The following CDH20 variants were observed in gnomAD, a reference collection of about 807,000 sequenced individuals.
CDH20 encodes cadherin-20.
A neutral mutation model predicts 74.2 loss-of-function variants in CDH20; 29 were observed. The observed-to-expected ratio is 0.39, with a 90% CI of 0.29 to 0.53. CDH20 has a LOEUF of 0.53. Among genes scored for constraint, CDH20 ranks in the 20% least tolerant of loss-of-function variants. The pLI, the probability that CDH20 is intolerant of heterozygous loss-of-function variation, is 0.69. For missense variants in CDH20, 988 were observed against 1,048.3 expected (o/e 0.94, Z 0.79); for synonymous variants, 469 against 405.4 (o/e 1.16, Z -1.88).
chr18:61,483,989 C>T (rs1910675056), intron 1 of CDH20, among the ~76,000 whole-genome samples: 1 of 152,098 alleles, frequency 6.6e-6, no homozygotes, highest in African/African-American at 2.4e-5. Context: ...GCAAACTTAC[C>T]TTTGCCAAAA....
Position 61,382,672 on chromosome 18 carries a change from A to ACACAAT in CDH20, c.-153+48846_-153+48851dup, listed in dbSNP as rs1166005502. 2.6e-5 allele frequency among the ~76,000 whole-genome samples: 4 copies of ACACAAT among 152,242 alleles called. No homozygotes were observed. The East Asian group carries it at 7.7e-4, about 29-fold the overall frequency. ...TGCAGAATTCATACTTGGTGATGGTACACAATTCTAATAAGTTTTATTCTG... is the reference window on the plus strand; with the variant it reads ...TGCAGAATTCATACTTGGTGATGGTACACAATCACAATTCTAATAAGTTTTATTCTG... On this transcript the variant is annotated intron_variant, in intron 1 of 11. Coordinates refer to ENST00000262717, the MANE Select transcript of CDH20 (RefSeq NM_031891.4).
Position 61,549,985 on chromosome 18 carries a change from A to G in CDH20, c.1656A>G (p.Thr552=). The G allele has an allele frequency of 1.2e-6, 2 of 1,613,888 alleles. No individual in the cohort carries two copies. The highest frequency in any genetic ancestry group is 1.7e-6 in the Non-Finnish European group (2 of 1,179,796). ...NFTIRDNQDN[T]ARILTRRSGF... is the part of the protein sequence containing the mutation. ...AACCCCTCCTTCTTTCAGATAACAC[A>G]GCACGGATTCTAACCAGGAGGTCTG... The change falls in exon 11 of 12, where the codon ACA becomes ACG. Residue 552 remains threonine (T), a synonymous_variant. Coordinates refer to ENST00000262717, the MANE Select transcript of CDH20 (RefSeq NM_031891.4).
intron 1 of CDH20, among the ~76,000 whole-genome samples, chr18:61,434,498 C>T (rs1026994257): frequency 6.6e-6 from 1 of 152,112 alleles, no homozygotes; most frequent in African/African-American, 2.4e-5. Flanking sequence ...ACCTCAGGCC[C>T]TGTAAGGGAG....
intron 1 of CDH20, among the ~76,000 whole-genome samples, chr18:61,402,885 C>T (rs908809259): frequency 3.3e-5 from 5 of 152,184 alleles, no homozygotes; most frequent in Non-Finnish European, 5.9e-5. Context: ...CATTCTGAAG[C>T]AGTTCAGCTG....
intron 2 of CDH20, among the ~76,000 whole-genome samples, chr18:61,496,656 G>C (rs1324977696): frequency 1.3e-5 from 2 of 152,126 alleles, no homozygotes; most frequent in Non-Finnish European, 2.9e-5. Flanking sequence ...GCGGCCTGCC[G>C]GGATCACAGG....
chr18:61,435,918 C>T (rs1268706749), intron 1 of CDH20, among the ~76,000 whole-genome samples: 2 of 152,110 alleles, frequency 1.3e-5, no homozygotes, highest in African/African-American at 2.4e-5. Flanking sequence ...CATTGACCAT[C>T]GCTCCCCCAT....
chr18:61,392,907 G>A (rs1177300739), intron 1 of CDH20, among the ~76,000 whole-genome samples: 1 of 151,972 alleles, frequency 6.6e-6, no homozygotes, highest in East Asian at 1.9e-4. Flanking sequence ...TGCACTGTCT[G>A]GCTGTTGCAC....
chr18:61,527,365 TAATAGATA>T (rs746369533), intron 6 of CDH20, among the ~76,000 whole-genome samples: 29 of 126,066 alleles, frequency 2.3e-4, no homozygotes, highest in African/African-American at 8.6e-4. Flanking sequence ...ATGAATATTC[TAATAGATA>T]GATAGATAGA....
rs1397919439 is a variant in CDH20, at chr18:61,554,710, C to T, written c.*15C>T. The T allele has an allele frequency of 6.5e-7, 1 of 1,535,478 alleles. No homozygotes were observed. The highest frequency in any genetic ancestry group is 2.4e-5 in the East Asian group (1 of 42,454). On this transcript the variant is annotated 3_prime_UTR_variant, in exon 12 of 12. Coordinates refer to ENST00000262717, the MANE Select transcript of CDH20 (RefSeq NM_031891.4). ...CGCTGTGGTGACGGAAGCCAGGAGGCAGGCGCGCGTCCAAATCCAGACGTT... is the reference window on the plus strand; with the variant it reads ...CGCTGTGGTGACGGAAGCCAGGAGGTAGGCGCGCGTCCAAATCCAGACGTT...
intron 7 of CDH20, among the ~76,000 whole-genome samples, chr18:61,533,976 G>A (rs1053442534): frequency 2.0e-5 from 3 of 151,986 alleles, no homozygotes; most frequent in Admixed American, 6.6e-5. Context: ...CTATTTAGTT[G>A]GTTGATGTGT....
intron 1 of CDH20, among the ~76,000 whole-genome samples, chr18:61,448,037 C>A (rs1383702730): frequency 1.3e-5 from 2 of 152,194 alleles, no homozygotes; most frequent in African/African-American, 2.4e-5. Context: ...TAAACCTGAG[C>A]AACCCTCACT....
intron 1 of CDH20, among the ~76,000 whole-genome samples, chr18:61,335,678 G>A (rs552327459): frequency 6.6e-6 from 1 of 152,236 alleles, no homozygotes; most frequent in East Asian, 1.9e-4. Flanking sequence ...CTTTCTAACA[G>A]GACAGTTGTC....
chr18:61,381,839 TA>T (rs1911442623), intron 1 of CDH20, among the ~76,000 whole-genome samples: 1 of 152,212 alleles, frequency 6.6e-6, no homozygotes, highest in Admixed American at 6.5e-5. Flanking sequence ...ATGTTTAAAA[TA>T]AAACTGACCT....
At chr18:61,381,603 T>A (rs1911434913) in intron 1 of CDH20, among the ~76,000 whole-genome samples, 1 of 152,208 alleles carries the variant, frequency 6.6e-6, no homozygotes, top group Non-Finnish European at 1.5e-5. Flanking sequence ...AATCATGTTC[T>A]ATGGGAAAGT....
rs535153554 is a variant in CDH20 at position 61,524,804 on chromosome 18, C to T, written c.1018-3163C>T. 1.1e-4 allele frequency among the ~76,000 whole-genome samples: 17 copies of T among 152,202 alleles called. No individual in the cohort carries two copies. In the South Asian group the frequency reaches 3.5e-3, roughly 32 times the overall value. On this transcript the variant is annotated intron_variant, in intron 6 of 11. Transcript: ENST00000262717. ...GGCGTGGTGGCACACACGTGTAGTCCCAGCTACTTGGGAGGCTGAGGCAGA... is the reference window on the plus strand; with the variant it reads ...GGCGTGGTGGCACACACGTGTAGTCTCAGCTACTTGGGAGGCTGAGGCAGA...
intron 1 of CDH20, among the ~76,000 whole-genome samples, chr18:61,454,978 G>A (rs1909523457): frequency 1.3e-5 from 2 of 152,194 alleles, no homozygotes; most frequent in Admixed American, 1.3e-4. Context: ...TCTGACTACA[G>A]GGAAGCCATT....
At chr18:61,354,139 C>A (rs1910411816) in intron 1 of CDH20, among the ~76,000 whole-genome samples, 1 of 152,192 alleles carries the variant, frequency 6.6e-6, no homozygotes, top group Non-Finnish European at 1.5e-5. Flanking sequence ...CCATTCAGGG[C>A]TGTTAACTCC....
At chr18:61,342,746 T>C (rs1054269736) in intron 1 of CDH20, among the ~76,000 whole-genome samples, 3 of 152,218 alleles carry the variant, frequency 2.0e-5, no homozygotes, top group Non-Finnish European at 4.4e-5. Flanking sequence ...TATTATAGTA[T>C]ACATTTTCAA....
intron 6 of CDH20, among the ~76,000 whole-genome samples, chr18:61,513,161 G>C (rs2144341059): frequency 6.8e-6 from 1 of 147,360 alleles, no homozygotes; most frequent in South Asian, 2.3e-4. Context: ...GGTCACTCAG[G>C]ACTTGCTTTA....
Sources: gnomAD v4.1 joint callset for allele counts (sites outside exome capture counted in the v4.1 genomes callset) on GRCh38, gnomAD v4.1.1 for gene constraint, MANE v1.5 for transcripts, NCBI Gene and HGNC (gene_info 2026-07-23, HGNC 2026-07-21) for gene names.